GAA: variants seen among roughly 807,000 people sequenced by gnomAD.
GAA encodes the protein alpha glucosidase.
GAA carries 88 observed loss-of-function variants against 103.9 expected under a neutral mutation model. The observed-to-expected ratio is 0.85, with a 90% CI of 0.71 to 1.01. The LOEUF (loss-of-function observed/expected upper bound fraction) is 1.01. Among genes scored for constraint, GAA ranks in the 50% least tolerant of loss-of-function variants. The pLI is 0.00. For synonymous variants in GAA, 572 were observed against 563.1 expected (o/e 1.02, Z -0.22); for missense variants, 1,350 against 1,305.3 (o/e 1.03, Z -0.53).
rs1400466814 is a variant in GAA at position 80,108,571 on chromosome 17, G to A, written c.1158G>A (p.Gln386=). The A allele has an allele frequency of 6.2e-7, 1 of 1,612,920 alleles. No homozygotes were observed. Among genetic ancestry groups the A allele is most frequent in the South Asian group, 1.1e-5 (1 of 91,068 alleles). Residue 386 remains glutamine (Q), a synonymous_variant, in exon 7 of 20, where the codon CAG becomes CAA. Coordinates refer to ENST00000302262, the MANE Select transcript of GAA (RefSeq NM_000152.5). The part of the protein sequence containing the change: ...WGYSSTAITR[Q]VVENMTRAHF... The stretch of plus-strand genomic sequence containing the variant: ...ACTCCTCCACCGCTATCACCCGCCA[G>A]GTGGTGGAGAACATGACCAGGGCCC...
intron 6 of GAA, 39 bp from the exon 7 acceptor site, chr17:80,108,450 C>T (rs759204354): frequency 6.2e-7 from 1 of 1,613,166 alleles, no homozygotes; most frequent in East Asian, 2.2e-5. Context: ...CCCCAAGGCT[C>T]CCTCCTCCCT....
At position 80,113,366 on chromosome 17, in the gene GAA, A is replaced by T. The variant is rs2039293187; in HGVS notation, c.2189A>T (p.Glu730Val). 1 of 1,573,500 alleles carries T rather than the reference A, an allele frequency of 6.4e-7. No homozygotes were observed. Among genetic ancestry groups the T allele is most frequent in the Non-Finnish European group, 8.6e-7 (1 of 1,157,636 alleles). Residue 730 changes from glutamate (E) to valine (V), a missense_variant and splice_region_variant, in exon 15 of 20, where the codon GAG becomes GTG. Physicochemically the swap from Glu to Val is moderately radical, Grantham distance 121. Transcript: ENST00000302262. Reference sequence around the variant, plus strand: ...ACCGTGGCCCGGCCCCTCTTCCTGGAGTGAGTGACCTAGGCAGGGGCGGTG... The same window carrying T: ...ACCGTGGCCCGGCCCCTCTTCCTGGTGTGAGTGACCTAGGCAGGGGCGGTG... Reference protein sequence around the residue: ...GETVARPLFLEFPKDSSTWTV... With the variant: ...GETVARPLFLVFPKDSSTWTV...
Position 80,108,676 on chromosome 17 carries a change from G to A in GAA, c.1195-21G>A, listed in dbSNP as rs767932776. 22 of 1,612,716 alleles carry A rather than the reference G, an allele frequency of 1.4e-5. No homozygotes were observed. In the Admixed American group the frequency reaches 2.0e-4, roughly 15 times the overall value. On this transcript the variant is annotated intron_variant, in intron 7 of 19. Transcript: ENST00000302262. ...CGCGTCTCCTCAGGCCCCAGCAGAC[G>A]GTCCCGTGTTGTGGCTGCAGGACGT...
At chr17:80,111,861 T>C (rs2039243075) in intron 11 of GAA, 122 bp from the exon 12 acceptor site, 5 of 783,598 alleles carry the variant, frequency 6.4e-6, no homozygotes, top group South Asian at 6.3e-5. Context: ...CAGGTGCACC[T>C]CCAGGGCCAG....
At chr17:80,112,165 C>T (rs942637479) in intron 12 of GAA, 65 bp downstream of exon 12, 10 of 1,481,772 alleles carry the variant, frequency 6.7e-6, no homozygotes, top group South Asian at 4.5e-5. Context: ...GTTGGGGCCT[C>T]TGCAGGGCCT....
intron 15 of GAA, chr17:80,116,689 C>T (rs1307483667): frequency 5.8e-6 from 3 of 516,800 alleles, no homozygotes; most frequent in African/African-American, 5.8e-5. Context: ...AAAGTGAGGC[C>T]AGTGCTGTGT....
At chr17:80,112,344 C>A (rs918248170) in intron 12 of GAA, 1 of 645,134 alleles carries the variant, frequency 1.6e-6, no homozygotes. Context: ...TCTGCATCAG[C>A]GGGGACCTCA....
intron 15 of GAA, among the ~76,000 whole-genome samples, chr17:80,115,509 A>T (rs913262570): frequency 2.0e-5 from 3 of 152,164 alleles, no homozygotes; most frequent in African/African-American, 7.2e-5. Flanking sequence ...GGTTTCGCTG[A>T]GCTCTTTGAA....
At position 80,104,875 on chromosome 17, in the gene GAA, G is replaced by T; in HGVS notation, c.289G>T (p.Ala97Ser). The change falls in exon 2 of 20, where the codon GCC becomes TCC. Residue 97 changes from alanine (A) to serine (S), a missense_variant. By Grantham distance (99) the Ala-to-Ser change is moderately conservative. Transcript: ENST00000302262. The surrounding 1 kb of genome is among the most constrained non-coding windows in gnomAD (Gnocchi z 4.0). ...NSRFDCAPDK[A>S]ITQEQCEARG... is the part of the protein sequence containing the mutation. ...CCGCTTCGATTGCGCCCCTGACAAG[G>T]CCATCACCCAGGAACAGTGCGAGGC... 6.2e-7 allele frequency: 1 copy of T among 1,612,812 alleles called. No individual in the cohort carries two copies. Among genetic ancestry groups the T allele is most frequent in the Non-Finnish European group, 8.5e-7 (1 of 1,179,872 alleles).
chr17:80,108,154 C>T (rs983718782), intron 5 of GAA, 136 bp from the exon 6 acceptor site: 14 of 1,487,326 alleles, frequency 9.4e-6, no homozygotes, highest in South Asian at 4.6e-5. Flanking sequence ...AGGCTTAGCA[C>T]GGCTTCCCCA....
intron 9 of GAA, 133 bp from the exon 10 acceptor site, chr17:80,110,594 G>A (rs1459455323): frequency 7.0e-6 from 5 of 710,978 alleles, no homozygotes; most frequent in African/African-American, 3.5e-5. Context: ...CAGGGTGCAG[G>A]TCTCTCAGAT....
In GAA at chr17:80,113,214, G is replaced by A. The variant is rs775757700; in HGVS notation, c.2041-4G>A. 6.3e-7 allele frequency: 1 copy of A among 1,595,694 alleles called. No homozygotes were observed. The highest frequency in any genetic ancestry group is 1.7e-5 in the Admixed American group (1 of 57,926). The stretch of plus-strand genomic sequence containing the variant: ...TGCTTCCTTTGCCCCCGCCTGCCCT[G>A]CAGCCCCAGGAGCCGTACAGCTTCA... On this transcript the variant is annotated splice_polypyrimidine_tract_variant and splice_region_variant and intron_variant, in intron 14 of 19. Transcript: ENST00000302262.
intron 19 of GAA, among the ~76,000 whole-genome samples, 189 bp from the exon 20 acceptor site, chr17:80,119,083 C>T (rs374333336): frequency 6.6e-6 from 1 of 152,186 alleles, no homozygotes; most frequent in East Asian, 1.9e-4. Context: ...CACTGAGAGC[C>T]GGGGTCCCCC....
chr17:80,109,392 A>G (rs754875673), intron 8 of GAA, among the ~76,000 whole-genome samples: 1 of 152,204 alleles, frequency 6.6e-6, no homozygotes, highest in East Asian at 1.9e-4. Context: ...AGCCAGAAGG[A>G]TGCAGTTTGG....
intron 17 of GAA, 49 bp from the exon 18 acceptor site, chr17:80,118,138 GCCTCCA>G: frequency 6.3e-7 from 1 of 1,596,352 alleles, no homozygotes; most frequent in Non-Finnish European, 8.6e-7. Flanking sequence ...GGCCCTGGAG[GCCTCCA>G]CCTCCACCAG....
At chr17:80,110,437 T>C (rs1015190309) in intron 9 of GAA, among the ~76,000 whole-genome samples, 7 of 152,168 alleles carry the variant, frequency 4.6e-5, no homozygotes, top group African/African-American at 1.7e-4. Context: ...CACGGGGCCG[T>C]CTCCGCTGCC....
chr17:80,111,120 G>T, intron 11 of GAA, 95 bp downstream of exon 11: 6 of 1,164,404 alleles, frequency 5.2e-6, no homozygotes, highest in South Asian at 1.3e-5. Context: ...CTGAGAAGCA[G>T]ATGGGCCAGC....
chr17:80,108,942 G>A lies in GAA; in HGVS notation c.1326+114G>A, dbSNP rs1180182395. On this transcript the variant is annotated intron_variant, in intron 8 of 19. Coordinates refer to ENST00000302262, the MANE Select transcript of GAA (RefSeq NM_000152.5). ...TGTGGTCGCCGAGGATGTTTTCTGA[G>A]GGTCTTTGTGATATCGAGGGAATAT... 3.0e-6 allele frequency: 4 copies of A among 1,328,156 alleles called. No individual in the cohort carries two copies. In the African/African-American group the frequency reaches 4.4e-5, roughly 15 times the overall value. 82.3% of individuals were successfully genotyped at this position (1,328,156 alleles called of 1,614,324 possible). A position where few individuals can be genotyped will look rare whatever the true frequency, so the allele number is the denominator to read the frequency against.
At position 80,104,174 on chromosome 17, in the gene GAA, G is replaced by A. The variant is rs2039014566; in HGVS notation, c.-32-381G>A. On this transcript the variant is annotated intron_variant, in intron 1 of 19. Transcript: ENST00000302262. The surrounding 1 kb of genome is among the most constrained non-coding windows in gnomAD (Gnocchi z 4.0). ...AGCTACTCAGGAGGCTGAAGTGGGA[G>A]GATTGCTTGAGTCTGGGAGGTGGAG... Among the ~76,000 whole-genome samples the A allele has an allele frequency of 6.6e-6, 1 of 152,194 alleles. No homozygotes were observed. Among genetic ancestry groups the A allele is most frequent in the African/African-American group, 2.4e-5 (1 of 41,442 alleles).
Sources: gnomAD v4.1 joint callset for allele counts (sites outside exome capture counted in the v4.1 genomes callset) on GRCh38, gnomAD v4.1.1 for gene constraint, Gnocchi (gnomAD v3.1) non-coding constraint, MANE v1.5 for transcripts, NCBI Gene and HGNC (gene_info 2026-07-23, HGNC 2026-07-21) for gene names.